Variants in SLX4IP observed in about 807,000 individuals in gnomAD.
The protein encoded by SLX4IP is protein SLX4IP.
In SLX4IP, 34 loss-of-function variants were observed where a neutral mutation model predicts 32.9. That is an observed-to-expected ratio of 1.03 (90% CI 0.79 to 1.38). The LOEUF (loss-of-function observed/expected upper bound fraction) is 1.38, where lower values mean the gene tolerates loss of function less well. Among genes scored for constraint, SLX4IP ranks in the 40% most tolerant of loss-of-function variants. The pLI is 0.00. For synonymous variants in SLX4IP, 172 were observed against 171.7 expected (o/e 1.00, Z -0.01); for missense variants, 444 against 479.0 (o/e 0.93, Z 0.68).
At chr20:10,510,501 C>G (rs1343852001) in intron 2 of SLX4IP, among the ~76,000 whole-genome samples, 1 of 152,202 alleles carries the variant, frequency 6.6e-6, no homozygotes, top group East Asian at 1.9e-4. Flanking sequence ...TGGAGCCTGT[C>G]CAGCTCTACT....
intron 2 of SLX4IP, among the ~76,000 whole-genome samples, chr20:10,514,931 T>C (rs1369563271): frequency 6.6e-6 from 1 of 152,144 alleles, no homozygotes; most frequent in African/African-American, 2.4e-5. Flanking sequence ...AACACAGGAC[T>C]CTCTGGCTTC....
At chr20:10,448,158 A>T (rs923177268) in intron 1 of SLX4IP, among the ~76,000 whole-genome samples, 4 of 152,102 alleles carry the variant, frequency 2.6e-5, no homozygotes, top group Admixed American at 6.6e-5. Context: ...TCACTCATAG[A>T]ATTGACTGAT....
In SLX4IP at chr20:10,623,076, C is replaced by T. The variant is rs745674724; in HGVS notation, c.924C>T (p.His308=). 69 of 1,613,990 alleles carry T rather than the reference C, an allele frequency of 4.3e-5. 2 individuals are homozygous for T. Among genetic ancestry groups the T allele is most frequent in the Admixed American group, 2.8e-4 (17 of 59,998 alleles). The part of the protein sequence containing the change: ...NCSSAEDFDH[H]GRVSLGSDRL... ...GCTCTGCGGAAGACTTCGACCACCACGGGAGAGTTTCTCTTGGAAGTGATC... is the reference window on the plus strand; with the variant it reads ...GCTCTGCGGAAGACTTCGACCACCATGGGAGAGTTTCTCTTGGAAGTGATC... Residue 308 remains histidine (H), a synonymous_variant, in exon 8 of 8, where the codon CAC becomes CAT. Transcript: ENST00000334534.
chr20:10,535,522 G>A (rs596750), intron 2 of SLX4IP, among the ~76,000 whole-genome samples: 86,809 of 151,932 alleles, frequency 0.57, 25,441 homozygotes, highest in South Asian at 0.72. Context: ...GGGTTTCGCC[G>A]TGTTGGCCAG....
At chr20:10,453,744 A>ATT (rs952187523) in intron 1 of SLX4IP, among the ~76,000 whole-genome samples, 34 of 114,454 alleles carry the variant, frequency 3.0e-4, no homozygotes, top group African/African-American at 9.1e-4. Flanking sequence ...CTTAAAAAAA[A>ATT]TTTTTTTTTT....
intron 1 of SLX4IP, among the ~76,000 whole-genome samples, chr20:10,446,525 T>G (rs956608006): frequency 1.1e-4 from 9 of 85,624 alleles, no homozygotes; most frequent in African/African-American, 2.7e-4. Flanking sequence ...TTGGGTTGTT[T>G]AGATTGATAA....
intron 2 of SLX4IP, among the ~76,000 whole-genome samples, chr20:10,518,468 CTTTCTTT>C (rs1568720194): frequency 1.4e-3 from 59 of 41,820 alleles, no homozygotes; most frequent in Middle Eastern, 0.031. Context: ...CCTTCCTTTC[CTTTCTTT>C]TCCTTTCCTT....
At chr20:10,598,972 A>G (rs189331610) in intron 5 of SLX4IP, among the ~76,000 whole-genome samples, 1 of 152,188 alleles carries the variant, frequency 6.6e-6, no homozygotes, top group East Asian at 1.9e-4. Context: ...TCCTTTCCTG[A>G]TGCATCTCAG....
chr20:10,543,390 A>G (rs1249922390), intron 2 of SLX4IP, among the ~76,000 whole-genome samples: 1 of 152,218 alleles, frequency 6.6e-6, no homozygotes, highest in African/African-American at 2.4e-5. Flanking sequence ...GCAATTGGAT[A>G]TATGCCTCTG....
chr20:10,495,361 GT>G (rs1427870123), intron 2 of SLX4IP, among the ~76,000 whole-genome samples: 1 of 144,672 alleles, frequency 6.9e-6, no homozygotes, highest in Non-Finnish European at 1.5e-5. Flanking sequence ...GCTAGAGGAT[GT>G]GGTCTGTGTG....
At chr20:10,445,311 C>CTTTTTTTTT (rs36058168) in intron 1 of SLX4IP, among the ~76,000 whole-genome samples, 1 of 90,186 alleles carries the variant, frequency 1.1e-5, no homozygotes, top group Non-Finnish European at 2.3e-5. Context: ...TTTTTTCTTT[C>CTTTTTTTTT]TTTTTTTTTT....
intron 4 of SLX4IP, among the ~76,000 whole-genome samples, chr20:10,571,535 T>G (rs646407): frequency 0.2 from 30,424 of 152,096 alleles, 3,721 homozygotes; most frequent in Admixed American, 0.27. Flanking sequence ...TATCACCTCC[T>G]CCAAGGAGCC....
chr20:10,579,248 G>A (rs981901344), intron 4 of SLX4IP, among the ~76,000 whole-genome samples: 1 of 152,098 alleles, frequency 6.6e-6, no homozygotes, highest in African/African-American at 2.4e-5. Context: ...TATGACATGA[G>A]TTAGGGGTCC....
intron 2 of SLX4IP, among the ~76,000 whole-genome samples, chr20:10,532,998 A>C (rs1316467726): frequency 6.6e-6 from 1 of 152,150 alleles, no homozygotes; most frequent in Admixed American, 6.6e-5. Flanking sequence ...GCTGGTCTCA[A>C]ACTCCTGACC....
At chr20:10,578,151 G>A (rs192567433) in intron 4 of SLX4IP, among the ~76,000 whole-genome samples, 1 of 152,244 alleles carries the variant, frequency 6.6e-6, no homozygotes, top group East Asian at 1.9e-4. Context: ...ATTCAGAGTT[G>A]TGTAACCATC....
chr20:10,580,427 T>C (rs951800523), intron 4 of SLX4IP, among the ~76,000 whole-genome samples: 9 of 151,808 alleles, frequency 5.9e-5, no homozygotes, highest in African/African-American at 2.2e-4. Context: ...TCTGCTTGAA[T>C]GTTTCCCATC....
At chr20:10,598,056 G>A (rs939861158) in intron 4 of SLX4IP, among the ~76,000 whole-genome samples, 1 of 152,112 alleles carries the variant, frequency 6.6e-6, no homozygotes, top group Non-Finnish European at 1.5e-5. Flanking sequence ...ATGAGAAGGT[G>A]GCTAAGATCT....
chr20:10,475,677 A>G (rs1360488001), intron 2 of SLX4IP, among the ~76,000 whole-genome samples: 2 of 152,186 alleles, frequency 1.3e-5, no homozygotes, highest in Non-Finnish European at 2.9e-5. Context: ...CAAGTGACAT[A>G]TCCTACAAAA....
At chr20:10,594,897 T>C (rs2066751705) in intron 4 of SLX4IP, among the ~76,000 whole-genome samples, 1 of 152,104 alleles carries the variant, frequency 6.6e-6, no homozygotes, top group African/African-American at 2.4e-5. Flanking sequence ...ACTGACCACC[T>C]CTCCATTTTT....
Sources: gnomAD v4.1 joint callset for allele counts (sites outside exome capture counted in the v4.1 genomes callset) on GRCh38, gnomAD v4.1.1 for gene constraint, MANE v1.5 for transcripts, NCBI Gene and HGNC (gene_info 2026-07-23, HGNC 2026-07-21) for gene names.